DLG2: variants seen among roughly 807,000 people sequenced by gnomAD.
DLG2 encodes the protein discs large MAGUK scaffold protein 2.
DLG2 carries 45 observed loss-of-function variants against 132.5 expected under a neutral mutation model. The observed-to-expected ratio is 0.34, with a 90% CI of 0.27 to 0.44. DLG2 has a LOEUF of 0.44. Ranked by LOEUF, DLG2 falls within the 20% of genes least tolerant of loss-of-function variation. The pLI, the probability that DLG2 is intolerant of heterozygous loss-of-function variation, is 1.00. For missense variants in DLG2, 1,045 were observed against 1,196.9 expected (o/e 0.87, Z 1.87); for synonymous variants, 424 against 419.6 (o/e 1.01, Z -0.13).
At chr11:84,046,339 T>A (rs115301175) in intron 11 of DLG2, among the ~76,000 whole-genome samples, 2,525 of 151,670 alleles carry the variant, frequency 0.017, 74 homozygotes, top group African/African-American at 0.057. Context: ...ATATTTGACA[T>A]CTTAGAATTC....
chr11:85,504,339 G>GT (rs2153137704), intron 3 of DLG2, among the ~76,000 whole-genome samples: 1 of 152,124 alleles, frequency 6.6e-6, no homozygotes, highest in Admixed American at 6.6e-5. Flanking sequence ...GGTTTTTATG[G>GT]TTTTAGGTCT....
chr11:85,019,915 C>A lies in DLG2; in HGVS notation c.357+91746G>T, dbSNP rs1288713246. Among the ~76,000 whole-genome samples the A allele has an allele frequency of 3.3e-5, 5 of 152,276 alleles. No individual in the cohort carries two copies. The South Asian group carries it at 1.0e-3, about 32-fold the overall frequency. On this transcript the variant is annotated intron_variant, in intron 6 of 27. Coordinates refer to ENST00000376104, the MANE Select transcript of DLG2 (RefSeq NM_001142699.3). ...CAGTTCTTTGCTATCGTGAATAGTG[C>A]CGCAGTAAACATACGTGTGCATGTG...
At chr11:84,696,149 A>G (rs1219628241) in intron 6 of DLG2, among the ~76,000 whole-genome samples, 1 of 151,530 alleles carries the variant, frequency 6.6e-6, no homozygotes, top group Admixed American at 6.6e-5. Flanking sequence ...TGGTAGGTAA[A>G]AAGTCACGGA....
intron 15 of DLG2, among the ~76,000 whole-genome samples, chr11:83,923,224 A>T (rs1029821365): frequency 6.6e-6 from 1 of 152,140 alleles, no homozygotes; most frequent in Admixed American, 6.6e-5. Context: ...AAAATAGAAT[A>T]CACATATGGG....
At chr11:85,302,682 A>G (rs1280237092) in intron 3 of DLG2, among the ~76,000 whole-genome samples, 3 of 152,078 alleles carry the variant, frequency 2.0e-5, no homozygotes, top group Non-Finnish European at 4.4e-5. Context: ...GTTAGTTGAT[A>G]ATTTCAGAGG....
chr11:84,838,879 C>T (rs543804480), intron 6 of DLG2, among the ~76,000 whole-genome samples: 2 of 152,128 alleles, frequency 1.3e-5, no homozygotes, highest in South Asian at 4.1e-4. Flanking sequence ...AACCCAAAGC[C>T]AATATCATAC....
At chr11:85,428,499 A>C (rs2090936292) in intron 3 of DLG2, among the ~76,000 whole-genome samples, 1 of 152,244 alleles carries the variant, frequency 6.6e-6, no homozygotes, top group African/African-American at 2.4e-5. Context: ...AACTACATGG[A>C]AACTGAACAA....
intron 22 of DLG2, among the ~76,000 whole-genome samples, chr11:83,474,400 A>G (rs1374393029): frequency 6.6e-6 from 1 of 152,154 alleles, no homozygotes; most frequent in African/African-American, 2.4e-5. Flanking sequence ...CTGTGGGTCA[A>G]TTAAAGAAGT....
chr11:84,774,756 T>C (rs1047038199), intron 6 of DLG2, among the ~76,000 whole-genome samples: 45 of 152,140 alleles, frequency 3.0e-4, no homozygotes, highest in Admixed American at 8.5e-4. Flanking sequence ...AGAATAAACC[T>C]GGACCCCTAC....
At chr11:83,813,652 G>A (rs2047997732) in intron 17 of DLG2, among the ~76,000 whole-genome samples, 1 of 152,092 alleles carries the variant, frequency 6.6e-6, no homozygotes, top group South Asian at 2.1e-4. Context: ...AACCTGTTAC[G>A]AACTCTTGCT....
intron 11 of DLG2, among the ~76,000 whole-genome samples, chr11:84,029,748 G>A (rs1346767451): frequency 1.3e-5 from 2 of 152,106 alleles, no homozygotes; most frequent in Admixed American, 6.6e-5. Flanking sequence ...GTTTAGGCCT[G>A]TGCTCTGTTC....
At chr11:85,173,925 T>C (rs1256177265) in intron 4 of DLG2, among the ~76,000 whole-genome samples, 1 of 152,164 alleles carries the variant, frequency 6.6e-6, no homozygotes, top group Non-Finnish European at 1.5e-5. Context: ...CAGCTAAGTA[T>C]CCTGAATATA....
At chr11:84,595,444 A>C (rs1256104893) in intron 6 of DLG2, among the ~76,000 whole-genome samples, 1 of 151,644 alleles carries the variant, frequency 6.6e-6, no homozygotes, top group Non-Finnish European at 1.5e-5. Flanking sequence ...AGACTTAGTC[A>C]TTGTCAGAGC....
intron 18 of DLG2, among the ~76,000 whole-genome samples, chr11:83,725,963 C>T (rs1001062628): frequency 2.6e-5 from 4 of 152,150 alleles, no homozygotes; most frequent in Non-Finnish European, 5.9e-5. Flanking sequence ...TAACCACCCA[C>T]TCATTTTTCC....
At chr11:85,439,641 G>A (rs2091676267) in intron 3 of DLG2, among the ~76,000 whole-genome samples, 3 of 152,076 alleles carry the variant, frequency 2.0e-5, no homozygotes, top group African/African-American at 7.2e-5. Flanking sequence ...TTACAGGTGT[G>A]AGCCACCGCG....
At chr11:85,592,590 C>T (rs964640055) in intron 3 of DLG2, among the ~76,000 whole-genome samples, 1 of 152,116 alleles carries the variant, frequency 6.6e-6, no homozygotes, top group Non-Finnish European at 1.5e-5. Context: ...TAGAAACTAT[C>T]TTGTAACATA....
intron 11 of DLG2, among the ~76,000 whole-genome samples, chr11:84,036,270 A>C (rs1295963120): frequency 1.3e-5 from 2 of 152,168 alleles, no homozygotes; most frequent in East Asian, 3.9e-4. Context: ...CTACTTGTAT[A>C]TCGTCACAGA....
At chr11:84,088,806 C>A (rs985329661) in intron 10 of DLG2, among the ~76,000 whole-genome samples, 2 of 152,142 alleles carry the variant, frequency 1.3e-5, no homozygotes, top group Non-Finnish European at 2.9e-5. Flanking sequence ...AGATTTGCAT[C>A]ATACATCTTT....
intron 7 of DLG2, among the ~76,000 whole-genome samples, chr11:84,313,876 C>T (rs976909518): frequency 1.9e-4 from 29 of 152,224 alleles, no homozygotes; most frequent in Middle Eastern, 3.4e-3. Context: ...TTTTGGAACG[C>T]ACTTTTGGGC....
Sources: allele counts gnomAD v4.1 joint callset (sites outside exome capture counted in the v4.1 genomes callset), GRCh38; gene constraint gnomAD v4.1.1; transcripts MANE v1.5; gene names NCBI Gene and HGNC (gene_info 2026-07-23, HGNC 2026-07-21).